Variants in FAF2 observed in about 807,000 individuals in gnomAD.
FAF2 encodes Fas associated factor family member 2, also known as FAS-associated factor 2.
In FAF2, 9 loss-of-function variants were observed where a neutral mutation model predicts 62.3. The ratio of observed to expected loss-of-function variants is 0.14; its 90% CI spans 0.09 to 0.25. The LOEUF (loss-of-function observed/expected upper bound fraction) is 0.25. FAF2 is among the 10% of genes least tolerant of loss of function. The probability of loss-of-function intolerance (pLI) is 1.00; values close to 1 mark genes in which losing one functional copy is unlikely to be tolerated. For synonymous variants in FAF2, 202 were observed against 198.0 expected (o/e 1.02, Z -0.17); for missense variants, 368 against 556.2 (o/e 0.66, Z 3.40).
intron 1 of FAF2, among the ~76,000 whole-genome samples, chr5:176,451,304 G>A (rs1204710589): frequency 6.6e-6 from 1 of 152,180 alleles, no homozygotes; most frequent in African/African-American, 2.4e-5. Flanking sequence ...CCGGGAGGTG[G>A]AGGTTGCAGT....
intron 1 of FAF2, among the ~76,000 whole-genome samples, chr5:176,473,061 C>T (rs1758602196): frequency 6.6e-6 from 1 of 152,168 alleles, no homozygotes; most frequent in Admixed American, 6.5e-5. Context: ...TAGTATGGTA[C>T]ACTTGTCAAA....
At chr5:176,465,399 C>A (rs1202593912) in intron 1 of FAF2, among the ~76,000 whole-genome samples, 1 of 143,578 alleles carries the variant, frequency 7.0e-6, no homozygotes, top group Non-Finnish European at 1.5e-5. Context: ...TGGAGTTTGG[C>A]CCTTGTCATC....
chr5:176,481,861 T>C (rs28768716), intron 2 of FAF2, among the ~76,000 whole-genome samples: 26,740 of 152,102 alleles, frequency 0.18, 2,421 homozygotes, highest in Middle Eastern at 0.19. Flanking sequence ...TTCATTTCCT[T>C]TGGGTCTATA....
intron 4 of FAF2, among the ~76,000 whole-genome samples, chr5:176,490,130 T>C (rs1048735879): frequency 6.6e-6 from 1 of 151,562 alleles, no homozygotes; most frequent in Non-Finnish European, 1.5e-5. Context: ...GCTAATACGG[T>C]GAAACCCTGT....
intron 1 of FAF2, among the ~76,000 whole-genome samples, chr5:176,464,824 C>A (rs1386878734): frequency 6.6e-6 from 1 of 151,592 alleles, no homozygotes; most frequent in African/African-American, 2.4e-5. Context: ...CAGAACCTTT[C>A]AAAGCCTTTA....
At chr5:176,465,221 C>T (rs558944971) in intron 1 of FAF2, among the ~76,000 whole-genome samples, 1 of 152,164 alleles carries the variant, frequency 6.6e-6, no homozygotes, top group African/African-American at 2.4e-5. Flanking sequence ...TCTTATTTGA[C>T]CCCAAACCCT....
chr5:176,482,749 C>G (rs773088723), intron 2 of FAF2, among the ~76,000 whole-genome samples: 1 of 152,174 alleles, frequency 6.6e-6, no homozygotes, highest in South Asian at 2.1e-4. Context: ...CTCCTGGGCT[C>G]CAGTGATTCT....
intron 2 of FAF2, among the ~76,000 whole-genome samples, chr5:176,482,299 C>T (rs1367149390): frequency 6.7e-6 from 1 of 150,114 alleles, no homozygotes; most frequent in Non-Finnish European, 1.5e-5. Flanking sequence ...CTCACTGCAA[C>T]CTCCACGTCC....
chr5:176,503,825 T>A (rs1755633895), intron 10 of FAF2, among the ~76,000 whole-genome samples: 1 of 152,140 alleles, frequency 6.6e-6, no homozygotes, highest in Admixed American at 6.5e-5. Flanking sequence ...CTAGTAGTAA[T>A]GTAATCTGTT....
At chr5:176,451,841 TAC>T (rs1262878588) in intron 1 of FAF2, among the ~76,000 whole-genome samples, 7,103 of 26,554 alleles carry the variant, frequency 0.27, 1,429 homozygotes, top group South Asian at 0.38. Context: ...TATATATATA[TAC>T]ACACATATAT....
rs1303796051 is a variant in FAF2 at position 176,509,027 on chromosome 5, T to G, written c.*2077T>G. The G allele has an allele frequency of 6.6e-6, 1 of 152,208 alleles. No homozygotes were observed. The highest frequency in any genetic ancestry group is 1.5e-5 in the Non-Finnish European group (1 of 68,040). 9.4% of individuals were successfully genotyped at this position (152,208 alleles called of 1,614,324 possible). ...TGTGCACTTTATGCCTCTCGCCTTT[T>G]GATAATAGTTGTTCAGTGAAGGAAG... is the stretch of plus-strand genomic sequence containing the variant. On this transcript the variant is annotated 3_prime_UTR_variant, in exon 11 of 11. Transcript: ENST00000261942.
intron 2 of FAF2, among the ~76,000 whole-genome samples, chr5:176,481,440 G>A (rs1329511623): frequency 1.3e-5 from 2 of 152,052 alleles, no homozygotes; most frequent in East Asian, 2.0e-4. Flanking sequence ...GGCAGATCAC[G>A]AGGTCAGGAG....
At chr5:176,479,318 G>T (rs747278734) in intron 2 of FAF2, 62 bp downstream of exon 2, 2 of 1,337,330 alleles carry the variant, frequency 1.5e-6, no homozygotes, top group South Asian at 2.5e-5. Context: ...AGTCAAAACC[G>T]TATGTTTTTC....
chr5:176,460,514 G>GTGTT, intron 1 of FAF2, among the ~76,000 whole-genome samples: 1 of 6,684 alleles, frequency 1.5e-4, no homozygotes, highest in Non-Finnish European at 3.7e-4. Context: ...TTTTGGCCGC[G>GTGTT]TGTGTGTGTG....
At chr5:176,503,077 T>A (rs1755621923) in intron 10 of FAF2, among the ~76,000 whole-genome samples, 2 of 151,260 alleles carry the variant, frequency 1.3e-5, no homozygotes, top group Admixed American at 6.6e-5. Flanking sequence ...TAAATAAAAA[T>A]AAAAAAGAGT....
chr5:176,466,278 A>C (rs1246445204), intron 1 of FAF2, among the ~76,000 whole-genome samples: 1 of 152,236 alleles, frequency 6.6e-6, no homozygotes, highest in Non-Finnish European at 1.5e-5. Context: ...TATTACATAA[A>C]GCAAAGCAAA....
intron 1 of FAF2, among the ~76,000 whole-genome samples, chr5:176,456,706 T>C (rs1390918216): frequency 6.6e-6 from 1 of 152,034 alleles, no homozygotes; most frequent in Non-Finnish European, 1.5e-5. Context: ...TTATGATATA[T>C]TTTGATCTGG....
At chr5:176,502,467 C>T (rs1315562081) in intron 10 of FAF2, among the ~76,000 whole-genome samples, 4 of 151,938 alleles carry the variant, frequency 2.6e-5, no homozygotes, top group Non-Finnish European at 4.4e-5. Flanking sequence ...GTAATCTCAG[C>T]GACTTGGGAG....
Position 176,486,281 on chromosome 5 carries a change from A to G in FAF2, c.133-74A>G, listed in dbSNP as rs190475193. ...CCATCCTGTTTTGGAATACCACGCA[A>G]TAGTTGCCTCACCTCTTGTTGTTGG... is the stretch of plus-strand genomic sequence containing the variant. On this transcript the variant is annotated intron_variant, in intron 2 of 10. Transcript: ENST00000261942. 140 of 1,584,030 alleles carry G rather than the reference A, an allele frequency of 8.8e-5. 2 individuals carry two copies. The East Asian group carries it at 2.0e-3, about 23-fold the overall frequency.
Sources: gnomAD v4.1 joint callset for allele counts (sites outside exome capture counted in the v4.1 genomes callset) on GRCh38, gnomAD v4.1.1 for gene constraint, MANE v1.5 for transcripts, NCBI Gene and HGNC (gene_info 2026-07-23, HGNC 2026-07-21) for gene names.